SRSF10: variants seen among roughly 807,000 people sequenced by gnomAD.
The protein encoded by SRSF10 is serine/arginine-rich splicing factor 10.
In SRSF10, 9 loss-of-function variants were observed where a neutral mutation model predicts 32.6. The observed-to-expected ratio is 0.28, with a 90% CI of 0.17 to 0.48. The LOEUF (loss-of-function observed/expected upper bound fraction) is 0.48. Ranked by LOEUF, SRSF10 falls within the 20% of genes least tolerant of loss-of-function variation. SRSF10 has a pLI of 0.99. For missense variants in SRSF10, 201 were observed against 331.8 expected (o/e 0.61, Z 3.06); for synonymous variants, 105 against 112.4 (o/e 0.93, Z 0.42).
intron 3 of SRSF10, among the ~76,000 whole-genome samples, chr1:23,974,723 G>A (rs1641980730): frequency 1.3e-5 from 2 of 151,968 alleles, no homozygotes; most frequent in Non-Finnish European, 2.9e-5. Context: ...CAGCTACTCG[G>A]AAGGTTGAGG....
intron 1 of SRSF10, among the ~76,000 whole-genome samples, chr1:23,979,241 G>A (rs1642288542): frequency 6.6e-6 from 1 of 152,096 alleles, no homozygotes; most frequent in African/African-American, 2.4e-5. Flanking sequence ...ATGACGTAAA[G>A]AGAAAATTTC....
chr1:23,968,635 C>G lies in SRSF10; in HGVS notation c.*2507G>C, dbSNP rs371088416. On this transcript the variant is annotated 3_prime_UTR_variant, in exon 6 of 6. Coordinates refer to ENST00000492112, the MANE Select transcript of SRSF10 (RefSeq NM_054016.4). ...AGAATTCAAACCACAAAATACCTAA[C>G]CTACTTCCCCAAAGAGGTTATCACT... Among the ~76,000 whole-genome samples, 8,744 of 152,204 alleles carry G rather than the reference C, an allele frequency of 0.057. 263 individuals carry two copies. Among genetic ancestry groups the G allele is most frequent in the African/African-American group, 0.079 (3,286 of 41,516 alleles).
chr1:23,976,260 A>G (rs183679283), intron 2 of SRSF10: 3 of 152,250 alleles, frequency 2.0e-5, no homozygotes, highest in Admixed American at 1.3e-4. Context: ...CTTTTTTGAG[A>G]CCGATACTGG....
At chr1:23,978,596 GAAGA>G in intron 2 of SRSF10, 113 bp downstream of exon 2, 1 of 1,305,152 alleles carries the variant, frequency 7.7e-7, no homozygotes, top group Non-Finnish European at 1.0e-6. Flanking sequence ...TCAAAAATTT[GAAGA>G]CAGACATTTA....
At position 23,969,735 on chromosome 1, in the gene SRSF10, A is replaced by G. The variant is rs1401557678; in HGVS notation, c.*1407T>C. ...AAATACTAGAAATTATAAATGGTTT[A>G]AGGGTATTACTTCATTTTTAGTCAG... On this transcript the variant is annotated 3_prime_UTR_variant, in exon 6 of 6. Coordinates refer to ENST00000492112, the MANE Select transcript of SRSF10 (RefSeq NM_054016.4). 1.0e-6 allele frequency: 1 copy of G among 985,400 alleles called. No homozygotes were observed. The highest frequency in any genetic ancestry group is 6.1e-5 in the Admixed American group (1 of 16,284). The allele number at this position is 985,400 out of a possible 1,614,324, so 61.0% of individuals were successfully genotyped here. A position where few individuals can be genotyped will look rare whatever the true frequency, so the allele number is the denominator to read the frequency against.
intron 1 of SRSF10, 33 bp downstream of exon 1, chr1:23,980,158 C>T (rs1642375698): frequency 2.6e-6 from 4 of 1,529,852 alleles, no homozygotes; most frequent in African/African-American, 2.8e-5. Context: ...GCGGCCTCCC[C>T]GCCTAGGCCC....
intron 2 of SRSF10, chr1:23,976,217 G>A (rs531310712): frequency 6.7e-6 from 1 of 149,878 alleles, no homozygotes; most frequent in South Asian, 2.1e-4. Flanking sequence ...GATTTAGAGA[G>A]GTGATTTAAA....
rs1382736908 is a variant in SRSF10, at chr1:23,971,933, A to C, written c.354T>G (p.Arg118=). The change falls in exon 4 of 6, where the codon CGT becomes CGG. Residue 118 remains arginine, a synonymous_variant. Coordinates refer to ENST00000492112, the MANE Select transcript of SRSF10 (RefSeq NM_054016.4). Reference sequence around the variant, plus strand: ...TCCTTTCATAACTTCGGCTTCTAGAACGTCTGTATCTGTCATAATCATCAT... The same window carrying C: ...TCCTTTCATAACTTCGGCTTCTAGACCGTCTGTATCTGTCATAATCATCAT... ...SRYDDYDRYR[R]SRSRSYERRR... is the part of the protein sequence containing the mutation. The C allele has an allele frequency of 6.3e-7, 1 of 1,597,660 alleles. No homozygotes were observed. The highest frequency in any genetic ancestry group is 2.2e-5 in the East Asian group (1 of 44,756).
intron 3 of SRSF10, among the ~76,000 whole-genome samples, chr1:23,972,547 A>T (rs1641830369): frequency 6.6e-6 from 1 of 151,924 alleles, no homozygotes; most frequent in African/African-American, 2.4e-5. Context: ...AGTTGAAGCC[A>T]TTCTCCTGCC....
At chr1:23,973,910 A>G (rs1257319258) in intron 3 of SRSF10, among the ~76,000 whole-genome samples, 1 of 152,118 alleles carries the variant, frequency 6.6e-6, no homozygotes, top group Non-Finnish European at 1.5e-5. Flanking sequence ...ATGCATAACC[A>G]GGAATCTATT....
intron 2 of SRSF10, chr1:23,977,007 A>C (rs1379729977): frequency 6.6e-6 from 1 of 152,160 alleles, no homozygotes; most frequent in East Asian, 1.9e-4. Flanking sequence ...TTCCTCGGCC[A>C]CCCAACACTA....
At position 23,970,703 on chromosome 1, in the gene SRSF10, A is replaced by C. The variant is rs1641705092; in HGVS notation, c.*439T>G. On this transcript the variant is annotated 3_prime_UTR_variant, in exon 6 of 6. Coordinates refer to ENST00000492112, the MANE Select transcript of SRSF10 (RefSeq NM_054016.4). ...AGACATAAAGGTCCACCCTGAACCTAAATGTGTCTGAGCAGTCAGTGTTGT... is the reference window on the plus strand; with the variant it reads ...AGACATAAAGGTCCACCCTGAACCTCAATGTGTCTGAGCAGTCAGTGTTGT... 4.0e-6 allele frequency: 4 copies of C among 989,612 alleles called. No individual in the cohort carries two copies. The highest frequency in any genetic ancestry group is 4.8e-6 in the Non-Finnish European group (4 of 832,980). 61.3% of individuals were successfully genotyped at this position (989,612 alleles called of 1,614,324 possible).
At chr1:23,976,123 A>G (rs1303348925) in intron 2 of SRSF10, 1 of 152,092 alleles carries the variant, frequency 6.6e-6, no homozygotes, top group Non-Finnish European at 1.5e-5. Context: ...AGGTACAGGT[A>G]TAGGTTTTCA....
At position 23,968,084 on chromosome 1, in the gene SRSF10, A is replaced by G. The variant is rs1641544013; in HGVS notation, c.*3058T>C. The G allele has an allele frequency of 6.8e-7, 1 of 1,468,500 alleles. No homozygotes were observed. Among genetic ancestry groups the G allele is most frequent in the Non-Finnish European group, 9.0e-7 (1 of 1,111,164 alleles). 91.0% of individuals were successfully genotyped at this position (1,468,500 alleles called of 1,614,324 possible). A position where few individuals can be genotyped will look rare whatever the true frequency, so the allele number is the denominator to read the frequency against. On this transcript the variant is annotated 3_prime_UTR_variant, in exon 6 of 6. Coordinates refer to ENST00000492112, the MANE Select transcript of SRSF10 (RefSeq NM_054016.4). The stretch of plus-strand genomic sequence containing the variant: ...GAGCCCAGTCATACACAGTAGGTAA[A>G]CTCAGTAAGTGGGGGACTCAACTAC...
chr1:23,973,905 T>C (rs1641920383), intron 3 of SRSF10, among the ~76,000 whole-genome samples: 1 of 152,056 alleles, frequency 6.6e-6, no homozygotes, highest in Admixed American at 6.6e-5. Flanking sequence ...ACACAATGCA[T>C]AACCAGGAAT....
intron 3 of SRSF10, 83 bp downstream of exon 3, chr1:23,974,891 C>A: frequency 1.2e-5 from 12 of 1,014,766 alleles, no homozygotes; most frequent in East Asian, 5.0e-5. Flanking sequence ...TGAACAGAAA[C>A]ACAAATTGCT....
Position 23,967,845 on chromosome 1 carries a change from C to A in SRSF10, c.*3297G>T. 1.3e-6 allele frequency: 2 copies of A among 1,554,432 alleles called. No individual in the cohort carries two copies. Among genetic ancestry groups the A allele is most frequent in the Non-Finnish European group, 8.7e-7 (1 of 1,148,420 alleles). ...GGGCCAAATTTTCAAGAGAATAATA[C>A]AATAGTTCCCAGGTCTTTCCCCTGG... On this transcript the variant is annotated 3_prime_UTR_variant, in exon 6 of 6. Coordinates refer to ENST00000492112, the MANE Select transcript of SRSF10 (RefSeq NM_054016.4).
Position 23,967,883 on chromosome 1 carries a change from C to G in SRSF10, c.*3259G>C, listed in dbSNP as rs1331258161. 6.5e-7 allele frequency: 1 copy of G among 1,547,938 alleles called. No homozygotes were observed. The highest frequency in any genetic ancestry group is 2.0e-5 in the Admixed American group (1 of 50,256). On this transcript the variant is annotated 3_prime_UTR_variant, in exon 6 of 6. Coordinates refer to ENST00000492112, the MANE Select transcript of SRSF10 (RefSeq NM_054016.4). ...GTCTTTCCCCTGGGATGTAACTTAA[C>G]AGCTCATACTCTATGTAGCACCTTT...
At position 23,968,969 on chromosome 1, in the gene SRSF10, A is replaced by T; in HGVS notation, c.*2173T>A. The T allele has an allele frequency of 2.8e-6, 1 of 359,932 alleles. No individual in the cohort carries two copies. The highest frequency in any genetic ancestry group is 3.9e-6 in the Non-Finnish European group (1 of 258,396). 22.3% of individuals were successfully genotyped at this position (359,932 alleles called of 1,614,324 possible). ...TTCTATCATTTCCAAAGTAAAAGTT[A>T]GTTGTGCCTAGTGCAACAATGATTT... is the stretch of plus-strand genomic sequence containing the variant. On this transcript the variant is annotated 3_prime_UTR_variant, in exon 6 of 6. Coordinates refer to ENST00000492112, the MANE Select transcript of SRSF10 (RefSeq NM_054016.4).
Sources: gnomAD v4.1 joint callset for allele counts (sites outside exome capture counted in the v4.1 genomes callset) on GRCh38, gnomAD v4.1.1 for gene constraint, MANE v1.5 for transcripts, NCBI Gene and HGNC (gene_info 2026-07-23, HGNC 2026-07-21) for gene names.